The following RGS22 variants were observed in gnomAD, a reference collection of about 807,000 sequenced individuals.
RGS22 encodes regulator of G-protein signaling 22.
A neutral mutation model predicts 172.9 loss-of-function variants in RGS22; 148 were observed. That is an observed-to-expected ratio of 0.86 (90% CI 0.75 to 0.98). The LOEUF (loss-of-function observed/expected upper bound fraction) is 0.98. Ranked by LOEUF, RGS22 falls within the 50% of genes least tolerant of loss-of-function variation. The pLI, the probability that RGS22 is intolerant of heterozygous loss-of-function variation, is 0.00. For missense variants in RGS22, 1,347 were observed against 1,440.8 expected (o/e 0.93, Z 1.05); for synonymous variants, 458 against 480.2 (o/e 0.95, Z 0.60).
chr8:100,010,348 C>A (rs962818297), intron 14 of RGS22, among the ~76,000 whole-genome samples: 19 of 151,894 alleles, frequency 1.3e-4, no homozygotes. Context: ...TAGCTGGGCA[C>A]GGTGGTGGGC....
intron 4 of RGS22, among the ~76,000 whole-genome samples, chr8:100,077,969 A>C (rs1811475099): frequency 6.6e-6 from 1 of 152,018 alleles, no homozygotes; most frequent in Admixed American, 6.6e-5. Context: ...TCATTATGTA[A>C]TGTTCCTCTT....
rs1821322863 is a variant in RGS22, at chr8:100,051,506, T to A, written c.1689+1296A>T. ...ATTTATATATAATATATAATAAATA[T>A]ATATAAATATATTTTTATATATTTA... On this transcript the variant is annotated intron_variant, in intron 10 of 27. Transcript: ENST00000360863. Among the ~76,000 whole-genome samples, 3 of 61,822 alleles carry A rather than the reference T, an allele frequency of 4.9e-5. 1 individual carries two copies. Among genetic ancestry groups the A allele is most frequent in the Non-Finnish European group, 8.7e-5 (3 of 34,472 alleles). The allele number at this position is 61,822 out of a possible 152,430, so 40.6% of individuals were successfully genotyped here.
intron 14 of RGS22, among the ~76,000 whole-genome samples, chr8:100,018,175 C>T (rs980174996): frequency 6.7e-6 from 1 of 150,342 alleles, no homozygotes; most frequent in Admixed American, 6.6e-5. Context: ...CACCTCTCTA[C>T]ACCTGTGCCT....
At chr8:100,081,724 G>C (rs906929167) in intron 3 of RGS22, among the ~76,000 whole-genome samples, 3 of 152,064 alleles carry the variant, frequency 2.0e-5, no homozygotes, top group African/African-American at 7.2e-5. Context: ...AAAAGAGTCT[G>C]CTGATATCGC....
intron 13 of RGS22, among the ~76,000 whole-genome samples, chr8:100,039,625 C>T (rs976769481): frequency 3.9e-5 from 6 of 152,120 alleles, no homozygotes; most frequent in African/African-American, 1.2e-4. Flanking sequence ...ATCCACCCAC[C>T]TTGGCCTCCC....
At chr8:100,051,346 A>G (rs1282193190) in intron 10 of RGS22, among the ~76,000 whole-genome samples, 1 of 146,154 alleles carries the variant, frequency 6.8e-6, no homozygotes, top group Non-Finnish European at 1.5e-5. Flanking sequence ...GAAAAAGAAG[A>G]CCACTGGAGA....
intron 12 of RGS22, among the ~76,000 whole-genome samples, chr8:100,040,877 CCTCT>C (rs1300197382): frequency 6.6e-6 from 1 of 152,066 alleles, no homozygotes; most frequent in African/African-American, 2.4e-5. Context: ...CATTTCTCCA[CCTCT>C]CTATCTGCCT....
At chr8:99,979,445 T>TA (rs1453888598) in intron 22 of RGS22, among the ~76,000 whole-genome samples, 1 of 152,184 alleles carries the variant, frequency 6.6e-6, no homozygotes, top group Non-Finnish European at 1.5e-5. Context: ...TCTCTAATCT[T>TA]AAAAGATAAC....
chr8:100,029,716 A>G (rs939547371), intron 14 of RGS22, among the ~76,000 whole-genome samples: 15 of 151,042 alleles, frequency 9.9e-5, no homozygotes, highest in South Asian at 2.1e-4. Flanking sequence ...AAAAAAAAAA[A>G]AAAAAAAGAA....
intron 14 of RGS22, among the ~76,000 whole-genome samples, chr8:100,030,380 T>C (rs1286294021): frequency 1.3e-5 from 2 of 152,232 alleles, no homozygotes; most frequent in African/African-American, 2.4e-5. Flanking sequence ...ATGTACTCCT[T>C]CTACTTATTA....
At chr8:100,098,364 G>A (rs3133413) in intron 2 of RGS22, among the ~76,000 whole-genome samples, 1 of 152,020 alleles carries the variant, frequency 6.6e-6, no homozygotes, top group Non-Finnish European at 1.5e-5. Context: ...TAAAAGAAGA[G>A]ATATTGTCAA....
rs528819894 is a variant in RGS22, at chr8:99,962,920, T to G, written c.3674A>C (p.Lys1225Thr). The part of the protein sequence containing the change: ...EALEQERILL[K>T]IQEELEKKLF... ...CTTTTTTTCTAGTTCTTCTTGGATC[T>G]TAAGAAGAATTCTCTCCTGTTCTAA... Residue 1225 changes from lysine to threonine, a missense_variant, in exon 25 of 28, where the codon AAG (lysine) becomes ACG (threonine). Coordinates refer to ENST00000360863, the MANE Select transcript of RGS22 (RefSeq NM_015668.5). 2 of 1,601,594 alleles carry G rather than the reference T, an allele frequency of 1.2e-6. No individual in the cohort carries two copies. The highest frequency in any genetic ancestry group is 1.7e-6 in the Non-Finnish European group (2 of 1,177,276).
chr8:100,011,535 T>A (rs759176678), intron 14 of RGS22, among the ~76,000 whole-genome samples: 11 of 152,100 alleles, frequency 7.2e-5, no homozygotes, highest in Non-Finnish European at 1.3e-4. Context: ...TCAAAATCCT[T>A]ATAATTACCT....
intron 20 of RGS22, 146 bp downstream of exon 20, chr8:99,996,316 T>C (rs928682187): frequency 2.7e-5 from 17 of 630,932 alleles, no homozygotes; most frequent in Admixed American, 8.9e-5. Flanking sequence ...ATTCCATTCA[T>C]CAATTAAAAA....
intron 9 of RGS22, among the ~76,000 whole-genome samples, chr8:100,061,267 A>G (rs1309447032): frequency 6.6e-6 from 1 of 152,230 alleles, no homozygotes; most frequent in East Asian, 1.9e-4. Context: ...TTCCTGACAA[A>G]GATGCCAAAA....
At chr8:100,015,929 T>C (rs1022707807) in intron 14 of RGS22, among the ~76,000 whole-genome samples, 1 of 152,222 alleles carries the variant, frequency 6.6e-6, no homozygotes, top group African/African-American at 2.4e-5. Flanking sequence ...GCTATATAAT[T>C]GGGACAGTCA....
intron 11 of RGS22, among the ~76,000 whole-genome samples, chr8:100,046,021 G>A (rs1462804492): frequency 2.0e-5 from 3 of 151,746 alleles, no homozygotes; most frequent in African/African-American, 7.3e-5. Context: ...ACAAGAATAA[G>A]AATCAAAATA....
At chr8:100,019,724 C>T (rs1450713070) in intron 14 of RGS22, among the ~76,000 whole-genome samples, 1 of 151,568 alleles carries the variant, frequency 6.6e-6, no homozygotes, top group African/African-American at 2.4e-5. Context: ...TTTTTTAGAC[C>T]CATTACTCGA....
In RGS22 at chr8:100,072,107, T is replaced by C. The variant is rs776008367; in HGVS notation, c.425+38A>G. On this transcript the variant is annotated intron_variant, in intron 5 of 27. Coordinates refer to ENST00000360863, the MANE Select transcript of RGS22 (RefSeq NM_015668.5). ...TAGCAAATTGGGAGGCTAATATATA[T>C]GTATTTAAAAATACATATATTGATG... The C allele has an allele frequency of 8.3e-6, 10 of 1,205,020 alleles. No individual in the cohort carries two copies. The South Asian group carries it at 1.2e-4, about 14-fold the overall frequency. 74.6% of individuals were successfully genotyped at this position (1,205,020 alleles called of 1,614,324 possible).
Sources: allele counts gnomAD v4.1 joint callset (sites outside exome capture counted in the v4.1 genomes callset), GRCh38; gene constraint gnomAD v4.1.1; transcripts MANE v1.5; gene names NCBI Gene and HGNC (gene_info 2026-07-23, HGNC 2026-07-21).